Variants in MGAT4C observed in about 807,000 individuals in gnomAD.
MGAT4C encodes MGAT4 family member C.
In MGAT4C, 19 loss-of-function variants were observed where a neutral mutation model predicts 40.1. That is an observed-to-expected ratio of 0.47 (90% CI 0.33 to 0.70). MGAT4C has a LOEUF of 0.70. MGAT4C is among the 30% of genes least tolerant of loss of function. The probability of loss-of-function intolerance (pLI) is 0.02; values close to 1 mark genes in which losing one functional copy is unlikely to be tolerated. For missense variants in MGAT4C, 491 were observed against 563.2 expected, an observed-to-expected ratio of 0.87 and a Z score of 1.30; for synonymous variants, 181 against 187.1, an observed-to-expected ratio of 0.97 and a Z score of 0.27.
chr12:86,783,854 G>A (rs1298034317), intron 1 of MGAT4C, among the ~76,000 whole-genome samples: 2 of 152,062 alleles, frequency 1.3e-5, no homozygotes, highest in Non-Finnish European at 2.9e-5. Flanking sequence ...AGTACTGGCC[G>A]ACTATTTCTT....
At chr12:86,476,499 C>T (rs1265507865) in intron 2 of MGAT4C, among the ~76,000 whole-genome samples, 1 of 152,188 alleles carries the variant, frequency 6.6e-6, no homozygotes, top group Admixed American at 6.6e-5. Flanking sequence ...TTAGTTCAGT[C>T]CCTGTGGAAG....
chr12:86,204,959 T>C (rs952324472), intron 1 of MGAT4C, among the ~76,000 whole-genome samples: 1 of 152,062 alleles, frequency 6.6e-6, no homozygotes, highest in African/African-American at 2.4e-5. Context: ...GTAAGTTATA[T>C]GTTAAGAATC....
chr12:86,701,324 GTC>G lies in MGAT4C; in HGVS notation c.-229+25883_-229+25884del, dbSNP rs762570770. 1.6e-4 allele frequency among the ~76,000 whole-genome samples: 24 copies of G among 151,656 alleles called. No homozygotes were observed. In the East Asian group the frequency reaches 4.1e-3, roughly 26 times the overall value. ...TTCCAACAGCATGTGCTCACTTTAT[GTC>G]TCTGTCACATTTTGGTAATTCTCAC... On this transcript the variant is annotated intron_variant, in intron 2 of 7. Transcript: ENST00000548651.
intron 3 of MGAT4C, among the ~76,000 whole-genome samples, chr12:86,409,334 G>A (rs565673134): frequency 6.6e-6 from 1 of 152,234 alleles, no homozygotes; most frequent in East Asian, 1.9e-4. Context: ...AATGCCAAGA[G>A]CGTAATGATA....
intron 2 of MGAT4C, among the ~76,000 whole-genome samples, chr12:86,516,010 C>G (rs985176658): frequency 3.3e-5 from 5 of 152,000 alleles, no homozygotes; most frequent in Non-Finnish European, 7.4e-5. Flanking sequence ...TCCCAAAGTG[C>G]TGGGATTACA....
intron 1 of MGAT4C, among the ~76,000 whole-genome samples, chr12:86,212,696 G>T (rs1317142879): frequency 6.9e-6 from 1 of 145,882 alleles, no homozygotes; most frequent in East Asian, 2.0e-4. Context: ...AGACCATCCC[G>T]GCTAAAACGG....
At chr12:86,151,619 CTA>C (rs1018983270) in intron 1 of MGAT4C, among the ~76,000 whole-genome samples, 9 of 151,990 alleles carry the variant, frequency 5.9e-5, no homozygotes, top group Non-Finnish European at 8.8e-5. Flanking sequence ...AAAATGGACA[CTA>C]TGTGTAAAGA....
intron 2 of MGAT4C, among the ~76,000 whole-genome samples, chr12:86,502,474 C>T (rs1309597558): frequency 1.3e-5 from 2 of 151,752 alleles, no homozygotes; most frequent in African/African-American, 4.8e-5. Flanking sequence ...GCACAATACA[C>T]AGAGCAAACT....
In MGAT4C at chr12:85,962,523, T is replaced by A. The variant is rs1883167208; in HGVS notation, c.*16766A>T. 6.7e-6 allele frequency: 1 copy of A among 150,070 alleles called. No homozygotes were observed. The allele number at this position is 150,070 out of a possible 1,614,324, so 9.3% of individuals were successfully genotyped here. A position where few individuals can be genotyped will look rare whatever the true frequency, so the allele number is the denominator to read the frequency against. On this transcript the variant is annotated 3_prime_UTR_variant, in exon 5 of 5. Coordinates refer to ENST00000611864, the MANE Select transcript of MGAT4C (RefSeq NM_001351288.2). ...AACAATTCAACATGATATGTATGGT[T>A]ATTACTAAATGTATAATACATTTAG...
At chr12:86,630,061 T>G (rs1359434429) in intron 2 of MGAT4C, among the ~76,000 whole-genome samples, 1 of 151,960 alleles carries the variant, frequency 6.6e-6, no homozygotes, top group East Asian at 1.9e-4. Context: ...TAAAAAATGA[T>G]AAAAGGGATA....
intron 1 of MGAT4C, among the ~76,000 whole-genome samples, chr12:86,097,999 C>T (rs1470613816): frequency 6.6e-6 from 1 of 151,626 alleles, no homozygotes; most frequent in African/African-American, 2.4e-5. Flanking sequence ...AAGGAAGGAA[C>T]ACCTGCCTGA....
At chr12:86,138,417 T>C (rs1023426070) in intron 1 of MGAT4C, among the ~76,000 whole-genome samples, 13 of 150,188 alleles carry the variant, frequency 8.7e-5, no homozygotes, top group Non-Finnish European at 1.5e-5. Flanking sequence ...ACTCAATGTA[T>C]CTCAATGATC....
At chr12:86,779,929 A>C (rs963855564) in intron 1 of MGAT4C, among the ~76,000 whole-genome samples, 18 of 151,580 alleles carry the variant, frequency 1.2e-4, no homozygotes, top group Non-Finnish European at 2.1e-4. Flanking sequence ...AAAAATAAAA[A>C]ATAATAATAT....
intron 2 of MGAT4C, among the ~76,000 whole-genome samples, chr12:86,578,854 T>A (rs1035997185): frequency 6.6e-6 from 1 of 151,692 alleles, no homozygotes; most frequent in Non-Finnish European, 1.5e-5. Context: ...ATTTCTGCTC[T>A]GATCTTTATT....
rs141073229 is a variant in MGAT4C at position 86,541,496 on chromosome 12, C to T, written c.-228-106231G>A. On this transcript the variant is annotated intron_variant, in intron 2 of 7. Transcript: ENST00000548651. ...GACTTGTTATTGATTTAACCAAAAG[C>T]AGTCCAAATTTACACACTACCACAT... Among the ~76,000 whole-genome samples the T allele has an allele frequency of 9.7e-4, 147 of 152,172 alleles. 1 individual carries two copies. The East Asian group carries it at 0.022, about 23-fold the overall frequency.
At chr12:86,219,232 G>T (rs889114359) in intron 1 of MGAT4C, among the ~76,000 whole-genome samples, 1 of 152,040 alleles carries the variant, frequency 6.6e-6, no homozygotes, top group African/African-American at 2.4e-5. Context: ...GTTGAGTGTG[G>T]ACTCATGGAG....
intron 3 of MGAT4C, among the ~76,000 whole-genome samples, chr12:86,370,739 T>C (rs929391128): frequency 2.6e-5 from 4 of 152,064 alleles, no homozygotes; most frequent in Non-Finnish European, 4.4e-5. Context: ...TTTCTTCCCC[T>C]ATTTAATCCC....
At chr12:86,523,690 A>G (rs1206244146) in intron 2 of MGAT4C, among the ~76,000 whole-genome samples, 2 of 152,070 alleles carry the variant, frequency 1.3e-5, no homozygotes, top group Non-Finnish European at 2.9e-5. Flanking sequence ...TGGGGTTGTA[A>G]AGCATCTCAC....
intron 1 of MGAT4C, among the ~76,000 whole-genome samples, chr12:86,130,940 A>G (rs1881082877): frequency 6.6e-6 from 1 of 152,026 alleles, no homozygotes; most frequent in Admixed American, 6.6e-5. Context: ...TATTATTACT[A>G]GTACTATTTC....
Sources: gnomAD v4.1 joint callset for allele counts (sites outside exome capture counted in the v4.1 genomes callset) on GRCh38, gnomAD v4.1.1 for gene constraint, MANE v1.5 for transcripts, NCBI Gene and HGNC (gene_info 2026-07-23, HGNC 2026-07-21) for gene names.